Variants in TMEM132B observed in about 807,000 individuals in gnomAD.
The protein encoded by TMEM132B is transmembrane protein 132B.
In TMEM132B, 18 loss-of-function variants were observed where a neutral mutation model predicts 90.8. That is an observed-to-expected ratio of 0.20 (90% CI 0.14 to 0.29). TMEM132B has a LOEUF of 0.29. Ranked by LOEUF, TMEM132B falls within the 10% of genes least tolerant of loss-of-function variation. The probability of loss-of-function intolerance (pLI) is 1.00; values close to 1 mark genes in which losing one functional copy is unlikely to be tolerated. For synonymous variants in TMEM132B, 504 were observed against 523.3 expected (o/e 0.96, Z 0.50); for missense variants, 1,096 against 1,326.8 (o/e 0.83, Z 2.70).
At chr12:125,340,691 G>A (rs1402559899) in intron 1 of TMEM132B, among the ~76,000 whole-genome samples, 4 of 152,258 alleles carry the variant, frequency 2.6e-5, no homozygotes, top group Admixed American at 2.0e-4. Context: ...TGGGAAGAAA[G>A]CACATTCAGG....
intron 1 of TMEM132B, among the ~76,000 whole-genome samples, chr12:125,340,651 C>G (rs994607931): frequency 6.6e-6 from 1 of 152,206 alleles, no homozygotes; most frequent in African/African-American, 2.4e-5. Flanking sequence ...TGCTCTGCCA[C>G]CTGATTCTTT....
rs543462462 is a variant in TMEM132B at position 125,563,012 on chromosome 12, G to T, written c.1294-20839G>T. Among the ~76,000 whole-genome samples the T allele has an allele frequency of 3.9e-5, 6 of 151,988 alleles. No individual in the cohort carries two copies. In the South Asian group the frequency reaches 1.2e-3, roughly 32 times the overall value. ...GCCGAAGGAGAGGGAGAGAGACAGG[G>T]GAATGGCTGGTCAGTGGAGCAGTCA... On this transcript the variant is annotated intron_variant, in intron 4 of 8. Transcript: ENST00000682704.
At chr12:125,299,958 G>A (rs964152260) in intron 1 of TMEM132B, among the ~76,000 whole-genome samples, 1 of 152,206 alleles carries the variant, frequency 6.6e-6, no homozygotes, top group Non-Finnish European at 1.5e-5. Flanking sequence ...CTCACTCAGA[G>A]CAAGAACCCC....
chr12:125,278,983 C>T (rs1439610560), intron 1 of TMEM132B, among the ~76,000 whole-genome samples: 1 of 152,184 alleles, frequency 6.6e-6, no homozygotes, highest in Non-Finnish European at 1.5e-5. Context: ...ACAAATGGCT[C>T]CCTCTAGCCC....
rs1881286708 is a variant in TMEM132B, at chr12:125,456,127, C to T, written c.1106+40450C>T. ...GTTTGTGACCCTTAGAGTGGAGCAC[C>T]CATCCAATTCCCGCTGGACATGTAT... On this transcript the variant is annotated intron_variant, in intron 3 of 8. Coordinates refer to ENST00000682704, the MANE Select transcript of TMEM132B (RefSeq NM_001366854.1). 4.6e-5 allele frequency among the ~76,000 whole-genome samples: 7 copies of T among 152,258 alleles called. No homozygotes were observed. In the South Asian group the frequency reaches 1.5e-3, roughly 32 times the overall value.
chr12:125,652,158 T>C (rs1886938367), intron 7 of TMEM132B, among the ~76,000 whole-genome samples: 2 of 152,212 alleles, frequency 1.3e-5, no homozygotes, highest in African/African-American at 2.4e-5. Context: ...CAATGGACAG[T>C]TTTTTATTAT....
chr12:125,302,326 C>G (rs956018480), intron 1 of TMEM132B, among the ~76,000 whole-genome samples: 18 of 151,672 alleles, frequency 1.2e-4, no homozygotes, highest in African/African-American at 4.1e-4. Context: ...GATCATGCCA[C>G]TGCACTCCAG....
chr12:125,434,160 C>T (rs1011089019), intron 3 of TMEM132B, among the ~76,000 whole-genome samples: 1 of 152,200 alleles, frequency 6.6e-6, no homozygotes, highest in African/African-American at 2.4e-5. Flanking sequence ...GGGCTGCCCA[C>T]ATTCCTTGGC....
chr12:125,312,812 G>A (rs1458408438), intron 1 of TMEM132B, among the ~76,000 whole-genome samples: 2 of 152,200 alleles, frequency 1.3e-5, no homozygotes, highest in African/African-American at 4.8e-5. Flanking sequence ...CCATCCTGCT[G>A]TCTTCTGTGC....
chr12:125,231,751 T>C (rs947955147), intron 1 of TMEM132B, among the ~76,000 whole-genome samples: 28 of 151,742 alleles, frequency 1.8e-4, no homozygotes, highest in Admixed American at 1.5e-3. Context: ...TTATACATCT[T>C]TTTCTTTAAA....
At chr12:125,516,853 A>G (rs968369343) in intron 3 of TMEM132B, among the ~76,000 whole-genome samples, 1 of 152,212 alleles carries the variant, frequency 6.6e-6, no homozygotes, top group Non-Finnish European at 1.5e-5. Context: ...AGAGAAATTG[A>G]AAATTTGGTC....
Position 125,314,536 on chromosome 12 carries a change from C to T in TMEM132B, c.68-34916C>T, listed in dbSNP as rs191873040. ...TGCATTGAGGAGGCGCTTCCTGCAC[C>T]CGGGCTCAGAGGGGCTCAGCTACTA... On this transcript the variant is annotated intron_variant, in intron 1 of 8. Transcript: ENST00000682704. 5.4e-4 allele frequency among the ~76,000 whole-genome samples: 82 copies of T among 152,234 alleles called. 1 individual carries two copies. Among genetic ancestry groups the T allele is most frequent in the Middle Eastern group, 3.4e-3 (1 of 294 alleles).
intron 3 of TMEM132B, among the ~76,000 whole-genome samples, chr12:125,487,324 T>C (rs1337020654): frequency 2.6e-5 from 4 of 152,194 alleles, no homozygotes; most frequent in Non-Finnish European, 4.4e-5. Flanking sequence ...TAGGATACTA[T>C]TGAACTCTTT....
intron 1 of TMEM132B, among the ~76,000 whole-genome samples, chr12:125,268,963 A>C (rs1407724363): frequency 6.6e-6 from 1 of 152,206 alleles, no homozygotes. Context: ...TTGATCTTAG[A>C]GGCTGTTCAG....
At chr12:125,218,867 C>T (rs1296045958) in intron 1 of TMEM132B, among the ~76,000 whole-genome samples, 1 of 150,656 alleles carries the variant, frequency 6.6e-6, no homozygotes. Flanking sequence ...CAAAAACCTG[C>T]CCATGAATGG....
At chr12:125,247,391 G>T (rs1442375776) in intron 1 of TMEM132B, among the ~76,000 whole-genome samples, 2 of 152,090 alleles carry the variant, frequency 1.3e-5, no homozygotes, top group African/African-American at 4.8e-5. Flanking sequence ...ATCTTTGGAG[G>T]TTCTCCTAAG....
At chr12:125,586,385 A>C (rs1302103132) in intron 5 of TMEM132B, 2 of 152,216 alleles carry the variant, frequency 1.3e-5, no homozygotes, top group East Asian at 3.8e-4. Context: ...CCTTGGCCTA[A>C]TCTGGCAAGA....
At chr12:125,312,090 GTCA>G (rs759754136) in intron 1 of TMEM132B, among the ~76,000 whole-genome samples, 2 of 152,232 alleles carry the variant, frequency 1.3e-5, no homozygotes, top group South Asian at 2.1e-4. Context: ...CCAGCCAACT[GTCA>G]TCATATGAGA....
intron 1 of TMEM132B, among the ~76,000 whole-genome samples, chr12:125,191,242 A>G (rs533027425): frequency 1.4e-5 from 2 of 146,698 alleles, no homozygotes; most frequent in South Asian, 2.2e-4. Flanking sequence ...GGTGATGGTG[A>G]TGGTGATGGG....
Sources: allele counts gnomAD v4.1 joint callset (sites outside exome capture counted in the v4.1 genomes callset), GRCh38; gene constraint gnomAD v4.1.1; transcripts MANE v1.5; gene names NCBI Gene and HGNC (gene_info 2026-07-23, HGNC 2026-07-21).